CNTN5: variants seen among roughly 807,000 people sequenced by gnomAD.
CNTN5 encodes contactin-5.
CNTN5 carries 77 observed loss-of-function variants against 129.1 expected under a neutral mutation model. The ratio of observed to expected loss-of-function variants is 0.60; its 90% CI spans 0.50 to 0.72. The LOEUF (loss-of-function observed/expected upper bound fraction) is 0.72. Ranked by LOEUF, CNTN5 falls within the 30% of genes least tolerant of loss-of-function variation. The pLI is 0.00. For synonymous variants in CNTN5, 509 were observed against 465.6 expected (o/e 1.09, Z -1.20); for missense variants, 1,478 against 1,328.8 (o/e 1.11, Z -1.75).
At chr11:99,967,878 A>G (rs1050789379) in intron 8 of CNTN5, among the ~76,000 whole-genome samples, 2 of 151,844 alleles carry the variant, frequency 1.3e-5, no homozygotes, top group African/African-American at 4.8e-5. Flanking sequence ...TTACTTTCTA[A>G]AAACTTATTT....
intron 2 of CNTN5, among the ~76,000 whole-genome samples, chr11:99,482,472 C>G (rs1945639009): frequency 6.6e-6 from 1 of 151,972 alleles, no homozygotes; most frequent in Non-Finnish European, 1.5e-5. Context: ...TTTCAAAAAC[C>G]CAGAAGAGTT....
intron 2 of CNTN5, among the ~76,000 whole-genome samples, chr11:99,464,325 T>G (rs938871658): frequency 6.6e-6 from 1 of 152,226 alleles, no homozygotes; most frequent in Non-Finnish European, 1.5e-5. Flanking sequence ...TCATTGGAAG[T>G]GGATGATATA....
At chr11:100,237,132 T>C (rs1246586341) in intron 16 of CNTN5, among the ~76,000 whole-genome samples, 2 of 139,888 alleles carry the variant, frequency 1.4e-5, no homozygotes, top group Non-Finnish European at 3.0e-5. Context: ...GAGCTTGCAG[T>C]GAGCCGAGAT....
At chr11:99,217,005 A>G (rs1860160618) in intron 1 of CNTN5, among the ~76,000 whole-genome samples, 1 of 152,152 alleles carries the variant, frequency 6.6e-6, no homozygotes, top group African/African-American at 2.4e-5. Flanking sequence ...CAACATGGTG[A>G]AACTCCGTCT....
chr11:99,478,220 T>C (rs11220109), intron 2 of CNTN5, among the ~76,000 whole-genome samples: 3,890 of 152,244 alleles, frequency 0.026, 75 homozygotes, highest in Middle Eastern at 0.065. Context: ...AGGTGTCAGC[T>C]AAAACTGGGG....
At chr11:99,424,413 C>T (rs753325842) in intron 2 of CNTN5, among the ~76,000 whole-genome samples, 40 of 152,304 alleles carry the variant, frequency 2.6e-4, no homozygotes, top group Non-Finnish European at 4.3e-4. Context: ...CTCATGCTGC[C>T]GGCCTCAACC....
At chr11:100,005,294 C>T (rs1416887658) in intron 9 of CNTN5, among the ~76,000 whole-genome samples, 1 of 152,122 alleles carries the variant, frequency 6.6e-6, no homozygotes, top group Non-Finnish European at 1.5e-5. Flanking sequence ...CATGTATACT[C>T]TGCACCTGTA....
At chr11:99,580,225 A>T (rs1289115100) in intron 3 of CNTN5, among the ~76,000 whole-genome samples, 3 of 152,084 alleles carry the variant, frequency 2.0e-5, no homozygotes, top group African/African-American at 7.2e-5. Context: ...TGCTGGATTC[A>T]GTTTGCCAGT....
chr11:100,331,017 C>G (rs1052492330), intron 21 of CNTN5, among the ~76,000 whole-genome samples: 1 of 152,122 alleles, frequency 6.6e-6, no homozygotes, highest in Non-Finnish European at 1.5e-5. Context: ...CCTAAATGCT[C>G]CACCTAAAAT....
chr11:99,970,282 T>A (rs1195659841), intron 8 of CNTN5, among the ~76,000 whole-genome samples: 3 of 152,194 alleles, frequency 2.0e-5, no homozygotes, highest in Admixed American at 6.5e-5. Context: ...ATATTCTAGA[T>A]TGTAGCAAAG....
At chr11:99,481,634 C>T (rs1404302276) in intron 2 of CNTN5, among the ~76,000 whole-genome samples, 1 of 152,152 alleles carries the variant, frequency 6.6e-6, no homozygotes, top group Non-Finnish European at 1.5e-5. Flanking sequence ...GAATAAAAGA[C>T]TCTTCAGGAG....
intron 3 of CNTN5, among the ~76,000 whole-genome samples, chr11:99,742,234 A>G (rs1474608454): frequency 6.6e-6 from 1 of 152,146 alleles, no homozygotes; most frequent in Non-Finnish European, 1.5e-5. Flanking sequence ...TTAAATTCTA[A>G]GTTCACTGAT....
At chr11:99,865,338 A>G (rs1175261423) in intron 6 of CNTN5, among the ~76,000 whole-genome samples, 1 of 152,118 alleles carries the variant, frequency 6.6e-6, no homozygotes, top group Non-Finnish European at 1.5e-5. Flanking sequence ...ATAAATGTAT[A>G]TCAGATTAAC....
At chr11:99,852,077 A>G (rs1408241745) in intron 6 of CNTN5, among the ~76,000 whole-genome samples, 1 of 152,218 alleles carries the variant, frequency 6.6e-6, no homozygotes, top group East Asian at 1.9e-4. Flanking sequence ...GACATGGATG[A>G]ATTTACTAGT....
In CNTN5 at chr11:100,258,123, G is replaced by A. The variant is rs1448964339; in HGVS notation, c.2164+2205G>A. On this transcript the variant is annotated intron_variant, in intron 17 of 24. Coordinates refer to ENST00000524871, the MANE Select transcript of CNTN5 (RefSeq NM_014361.4). The stretch of plus-strand genomic sequence containing the variant: ...CTGATGGAACTGAAAAACACAGCAC[G>A]AGGACTTTGTGAAGCATACAGAAGT... Among the ~76,000 whole-genome samples the A allele has an allele frequency of 5.9e-5, 9 of 152,088 alleles. No individual in the cohort carries two copies. The East Asian group carries it at 7.7e-4, about 13-fold the overall frequency.
chr11:99,676,597 C>T (rs1180919110), intron 3 of CNTN5, among the ~76,000 whole-genome samples: 2 of 152,106 alleles, frequency 1.3e-5, no homozygotes, highest in Non-Finnish European at 2.9e-5. Context: ...TTTGAATCTG[C>T]ATTACTTTGC....
chr11:99,629,574 G>A (rs1389547684), intron 3 of CNTN5, among the ~76,000 whole-genome samples: 1 of 150,818 alleles, frequency 6.6e-6, no homozygotes, highest in East Asian at 2.0e-4. Flanking sequence ...CAGGGGTACA[G>A]GATTTATGGG....
At chr11:99,776,280 A>G (rs1039830310) in intron 3 of CNTN5, among the ~76,000 whole-genome samples, 5 of 152,002 alleles carry the variant, frequency 3.3e-5, no homozygotes, top group African/African-American at 1.2e-4. Flanking sequence ...GGCAGAAACT[A>G]ACTCTTAAGG....
At chr11:99,400,065 C>T (rs987290456) in intron 2 of CNTN5, among the ~76,000 whole-genome samples, 7 of 151,968 alleles carry the variant, frequency 4.6e-5, no homozygotes, top group African/African-American at 1.7e-4. Flanking sequence ...ATACAATTTA[C>T]TGTAGTCACA....
Sources: gnomAD v4.1 joint callset for allele counts (sites outside exome capture counted in the v4.1 genomes callset) on GRCh38, gnomAD v4.1.1 for gene constraint, MANE v1.5 for transcripts, NCBI Gene and HGNC (gene_info 2026-07-23, HGNC 2026-07-21) for gene names.